CSMD1: variants seen among roughly 807,000 people sequenced by gnomAD.
CSMD1 encodes the protein CUB and sushi domain-containing protein 1.
CSMD1 carries 213 observed loss-of-function variants against 417.5 expected under a neutral mutation model. That is an observed-to-expected ratio of 0.51 (90% confidence interval 0.46 to 0.57). The LOEUF (loss-of-function observed/expected upper bound fraction) is 0.57. Among genes scored for constraint, CSMD1 ranks in the 20% least tolerant of loss-of-function variants. CSMD1 has a pLI of 0.00. For missense variants in CSMD1, 6,923 were observed against 4,529.7 expected (o/e 1.53, Z -15.17); for synonymous variants, 2,862 against 1,736.8 (o/e 1.65, Z -16.11).
intron 5 of CSMD1, among the ~76,000 whole-genome samples, chr8:3,844,202 G>A (rs375092021): frequency 4.6e-5 from 7 of 152,238 alleles, no homozygotes; most frequent in African/African-American, 1.7e-4. Context: ...CTTTAAGAAG[G>A]GTGTTGAAGA....
intron 58 of CSMD1, among the ~76,000 whole-genome samples, 159 bp from the exon 59 acceptor site, chr8:2,966,113 A>C (rs1563188649): frequency 1.3e-5 from 2 of 151,646 alleles, no homozygotes; most frequent in African/African-American, 4.9e-5. Flanking sequence ...GATTTCACTG[A>C]CCCGCTGTCA....
intron 9 of CSMD1, among the ~76,000 whole-genome samples, chr8:3,578,510 T>A (rs941671397): frequency 6.6e-6 from 1 of 152,128 alleles, no homozygotes; most frequent in Non-Finnish European, 1.5e-5. Context: ...AAAAACCATA[T>A]CCGTGTTGCT....
chr8:3,033,363 T>C (rs887134124), intron 50 of CSMD1, among the ~76,000 whole-genome samples: 2 of 152,120 alleles, frequency 1.3e-5, no homozygotes, highest in South Asian at 2.1e-4. Context: ...AGATAAAGCA[T>C]TGTTGTTCAT....
At chr8:3,047,346 G>A (rs1389921419) in intron 50 of CSMD1, among the ~76,000 whole-genome samples, 1 of 151,670 alleles carries the variant, frequency 6.6e-6, no homozygotes, top group African/African-American at 2.4e-5. Context: ...ATCTACATCC[G>A]TTATTCTTTT....
At chr8:3,609,947 G>T (rs1046571622) in intron 8 of CSMD1, among the ~76,000 whole-genome samples, 2 of 150,168 alleles carry the variant, frequency 1.3e-5, no homozygotes, top group African/African-American at 4.9e-5. Context: ...GACTACGGGC[G>T]CACACCAACA....
intron 41 of CSMD1, among the ~76,000 whole-genome samples, chr8:3,126,816 C>T (rs1229681278): frequency 1.3e-5 from 2 of 152,162 alleles, no homozygotes; most frequent in Non-Finnish European, 2.9e-5. Flanking sequence ...GCTGAGACTA[C>T]AGGCTTATAC....
intron 3 of CSMD1, among the ~76,000 whole-genome samples, chr8:4,328,757 A>G (rs577980876): frequency 6.6e-6 from 1 of 152,336 alleles, no homozygotes; most frequent in Admixed American, 6.5e-5. Flanking sequence ...AAAAAGTTAC[A>G]TCGTTTAAGT....
At position 4,121,653 on chromosome 8, in the gene CSMD1, A is replaced by C. The variant is rs75613718; in HGVS notation, c.416-89554T>G. ...AAAAAAAGAAGTGGGAATTCTTAGG[A>C]AACTAAGCCAAGATTTTCTAATTTC... On this transcript the variant is annotated intron_variant, in intron 3 of 69. Coordinates refer to ENST00000635120, the MANE Select transcript of CSMD1 (RefSeq NM_033225.6). Among the ~76,000 whole-genome samples, 40 of 152,016 alleles carry C rather than the reference A, an allele frequency of 2.6e-4. No individual in the cohort carries two copies. In the East Asian group the frequency reaches 7.5e-3, roughly 29 times the overall value.
At chr8:4,538,648 AAAATG>A (rs931458239) in intron 2 of CSMD1, among the ~76,000 whole-genome samples, 13 of 152,174 alleles carry the variant, frequency 8.5e-5, no homozygotes, top group Non-Finnish European at 2.9e-5. Flanking sequence ...ATCTCAAAAA[AAAATG>A]AAATGAAATG....
chr8:4,399,395 G>T (rs1009444572), intron 3 of CSMD1, among the ~76,000 whole-genome samples: 20 of 152,126 alleles, frequency 1.3e-4, no homozygotes, highest in African/African-American at 4.6e-4. Context: ...TCAAACATAG[G>T]CAAGGGCTAA....
chr8:3,008,328 C>G (rs1031077168), intron 52 of CSMD1, among the ~76,000 whole-genome samples: 2 of 152,198 alleles, frequency 1.3e-5, no homozygotes, highest in African/African-American at 4.8e-5. Context: ...GGGACACACA[C>G]AGGGAAAACC....
intron 10 of CSMD1, among the ~76,000 whole-genome samples, chr8:3,514,182 C>T: frequency 6.6e-6 from 1 of 152,146 alleles, no homozygotes; most frequent in Non-Finnish European, 1.5e-5. Context: ...GTTCCCCAAT[C>T]CCTCATGAAG....
At chr8:4,133,226 A>G (rs1348959614) in intron 3 of CSMD1, among the ~76,000 whole-genome samples, 2 of 152,146 alleles carry the variant, frequency 1.3e-5, no homozygotes, top group Admixed American at 1.3e-4. Flanking sequence ...ATGAGTCACC[A>G]TGCCCAGCTG....
At chr8:3,347,571 G>A (rs1327819092) in intron 22 of CSMD1, among the ~76,000 whole-genome samples, 1 of 152,146 alleles carries the variant, frequency 6.6e-6, no homozygotes, top group African/African-American at 2.4e-5. Flanking sequence ...CTACAGAAAG[G>A]GTTGGTTTGG....
chr8:4,172,025 T>C (rs1370188492), intron 3 of CSMD1, among the ~76,000 whole-genome samples: 1 of 152,174 alleles, frequency 6.6e-6, no homozygotes, highest in East Asian at 1.9e-4. Flanking sequence ...ACATAATATT[T>C]TCAAATAAAA....
At chr8:4,474,343 G>C (rs111953666) in intron 2 of CSMD1, among the ~76,000 whole-genome samples, 1 of 152,164 alleles carries the variant, frequency 6.6e-6, no homozygotes, top group African/African-American at 2.4e-5. Flanking sequence ...TTATAAGGAA[G>C]ATTTTATGCT....
intron 2 of CSMD1, among the ~76,000 whole-genome samples, chr8:4,440,159 C>G (rs191876335): frequency 1.3e-5 from 2 of 152,094 alleles, no homozygotes; most frequent in Admixed American, 6.5e-5. Context: ...CTAATTTGGA[C>G]GTTTCTTTCT....
intron 5 of CSMD1, among the ~76,000 whole-genome samples, chr8:3,792,318 G>T (rs918455193): frequency 6.6e-6 from 1 of 151,920 alleles, no homozygotes; most frequent in Non-Finnish European, 1.5e-5. Flanking sequence ...AAAACTTCCT[G>T]GGAGATAATA....
At chr8:4,848,940 T>C (rs1801307325) in intron 1 of CSMD1, among the ~76,000 whole-genome samples, 1 of 152,232 alleles carries the variant, frequency 6.6e-6, no homozygotes, top group African/African-American at 2.4e-5. Context: ...GTACTTGTTC[T>C]ACTTATAAAA....
Sources: gnomAD v4.1 joint callset for allele counts (sites outside exome capture counted in the v4.1 genomes callset) on GRCh38, gnomAD v4.1.1 for gene constraint, MANE v1.5 for transcripts, NCBI Gene and HGNC (gene_info 2026-07-23, HGNC 2026-07-21) for gene names.